CSPG5: variants seen among roughly 807,000 people sequenced by gnomAD.
CSPG5 encodes chondroitin sulfate proteoglycan 5, also known as acidic leucine-rich EGF-like domain-containing brain protein.
In CSPG5, 25 loss-of-function variants were observed where a neutral mutation model predicts 39.8. The ratio of observed to expected loss-of-function variants is 0.63; its 90% CI spans 0.46 to 0.88. The LOEUF (loss-of-function observed/expected upper bound fraction) is 0.88, where lower values mean the gene tolerates loss of function less well. CSPG5 is among the 40% of genes least tolerant of loss of function. The pLI is 0.00. For synonymous variants in CSPG5, 295 were observed against 303.9 expected, an observed-to-expected ratio of 0.97 and a Z score of 0.31; for missense variants, 627 against 702.2, an observed-to-expected ratio of 0.89 and a Z score of 1.21.
chr3:47,563,358 G>T (rs2031166301), intron 4 of CSPG5, among the ~76,000 whole-genome samples: 1 of 152,080 alleles, frequency 6.6e-6, no homozygotes, highest in Admixed American at 6.6e-5. Context: ...AGCTAAAAAG[G>T]TATGTCCTCA....
At chr3:47,569,286 A>T in intron 3 of CSPG5, 59 bp from the exon 4 acceptor site, 1 of 1,537,430 alleles carries the variant, frequency 6.5e-7, no homozygotes, top group Non-Finnish European at 9.0e-7. Flanking sequence ...GCAAAACATG[A>T]CAATGTCTCA....
chr3:47,571,555 T>G (rs2108199783), intron 3 of CSPG5, among the ~76,000 whole-genome samples: 1 of 152,208 alleles, frequency 6.6e-6, no homozygotes. Flanking sequence ...GCAGCCCGCC[T>G]CAGTGCACAG....
rs1373388238 is a variant in CSPG5 at position 47,572,617 on chromosome 3, G to A, written c.1382+69C>T. On this transcript the variant is annotated intron_variant, in intron 3 of 4. Coordinates refer to ENST00000264723, the MANE Select transcript of CSPG5 (RefSeq NM_006574.4). This position sits in a 1 kb window ranked among gnomAD's most constrained non-coding sequence, Gnocchi z 4.5. Reference sequence around the variant, plus strand: ...CGACAAAGTCCCTGGATCAGTTGGAGGGGTGCAGCAGCGTCGGGGGGCCTC... The same window carrying A: ...CGACAAAGTCCCTGGATCAGTTGGAAGGGTGCAGCAGCGTCGGGGGGCCTC... 1.5e-6 allele frequency: 2 copies of A among 1,325,106 alleles called. No homozygotes were observed. Among genetic ancestry groups the A allele is most frequent in the East Asian group, 2.3e-5 (1 of 43,050 alleles). The allele number at this position is 1,325,106 out of a possible 1,614,324, so 82.1% of individuals were successfully genotyped here. A position where few individuals can be genotyped will look rare whatever the true frequency, so the allele number is the denominator to read the frequency against.
chr3:47,567,127 T>C (rs1279848588), intron 4 of CSPG5, among the ~76,000 whole-genome samples: 2 of 152,194 alleles, frequency 1.3e-5, no homozygotes, highest in Non-Finnish European at 2.9e-5. Flanking sequence ...TCTGAAGCTG[T>C]GGTATTAGAA....
At position 47,562,509 on chromosome 3, in the gene CSPG5, G is replaced by A. The variant is rs1214295120; in HGVS notation, c.*91C>T. ...GAAAAAGAAAAGAGTTTAACAAATGGTTACAAGAAATAGACTCTGTACAAG... is the reference window on the plus strand; with the variant it reads ...GAAAAAGAAAAGAGTTTAACAAATGATTACAAGAAATAGACTCTGTACAAG... On this transcript the variant is annotated 3_prime_UTR_variant, in exon 5 of 5. Coordinates refer to ENST00000264723, the MANE Select transcript of CSPG5 (RefSeq NM_006574.4). The A allele has an allele frequency of 2.7e-5, 34 of 1,244,750 alleles. No homozygotes were observed. The highest frequency in any genetic ancestry group is 4.8e-5 in the Admixed American group (2 of 41,566). The allele number at this position is 1,244,750 out of a possible 1,614,324, so 77.1% of individuals were successfully genotyped here.
rs1410027868 is a variant in CSPG5 at position 47,578,242 on chromosome 3, C to A, written c.98-314G>T. On this transcript the variant is annotated intron_variant, in intron 1 of 4. Coordinates refer to ENST00000264723, the MANE Select transcript of CSPG5 (RefSeq NM_006574.4). The surrounding 1 kb of genome is among the most constrained non-coding windows in gnomAD (Gnocchi z 6.0). Reference sequence around the variant, plus strand: ...CACCCATAAGTCTCACCCTCGGGAACCCACCCTGAGCCGCGTCCACTGGCT... The same window carrying A: ...CACCCATAAGTCTCACCCTCGGGAAACCACCCTGAGCCGCGTCCACTGGCT... The A allele has an allele frequency of 2.9e-5, 9 of 312,414 alleles. 1 individual carries two copies. The highest frequency in any genetic ancestry group is 5.2e-5 in the Non-Finnish European group (9 of 173,602). The allele number at this position is 312,414 out of a possible 1,614,324, so 19.4% of individuals were successfully genotyped here. A position where few individuals can be genotyped will look rare whatever the true frequency, so the allele number is the denominator to read the frequency against.
chr3:47,564,454 G>A lies in CSPG5; in HGVS notation c.1459-1693C>T, dbSNP rs2031212226. On this transcript the variant is annotated intron_variant, in intron 4 of 4. Transcript: ENST00000264723. ...TTCTCCAGAGGCCCAGATTAAGGAG[G>A]ACAATTTAGTAGAGTTTCAAAGACT... 2.0e-5 allele frequency among the ~76,000 whole-genome samples: 3 copies of A among 152,172 alleles called. No individual in the cohort carries two copies. In the South Asian group the frequency reaches 6.2e-4, roughly 32 times the overall value.
At chr3:47,579,851 C>T (rs2031924951), upstream of CSPG5, 1 of 152,280 alleles carries the variant, frequency 6.6e-6, no homozygotes, top group South Asian at 2.1e-4. The surrounding 1 kb of genome is among the most constrained non-coding windows in gnomAD (Gnocchi z 4.2). Context: ...TTAGTTTATT[C>T]CCCCAAACCG....
chr3:47,571,381 G>A (rs1439572104), intron 3 of CSPG5, among the ~76,000 whole-genome samples: 3 of 152,226 alleles, frequency 2.0e-5, no homozygotes, highest in Non-Finnish European at 2.9e-5. Flanking sequence ...CCACTGCCCT[G>A]GCTGTTGTTC....
chr3:47,578,118 A>C lies in CSPG5; in HGVS notation c.98-190T>G. 1.0e-5 allele frequency: 9 copies of C among 868,788 alleles called. No homozygotes were observed. The highest frequency in any genetic ancestry group is 1.4e-5 in the Non-Finnish European group (9 of 656,466). 53.8% of individuals were successfully genotyped at this position (868,788 alleles called of 1,614,324 possible). A position where few individuals can be genotyped will look rare whatever the true frequency, so the allele number is the denominator to read the frequency against. ...AAGCCCCGTCCCGGAGTCTGCCCCC[A>C]AGACGAGGATCACACCCCGCCCAAC... On this transcript the variant is annotated intron_variant, in intron 1 of 4. Coordinates refer to ENST00000264723, the MANE Select transcript of CSPG5 (RefSeq NM_006574.4). The surrounding 1 kb of genome is among the most constrained non-coding windows in gnomAD (Gnocchi z 6.0).
rs755509661 is a variant in CSPG5, at chr3:47,572,832, G to T, written c.1236C>A (p.Cys412Ter). 6.2e-7 allele frequency: 1 copy of T among 1,613,878 alleles called. No homozygotes were observed. Among genetic ancestry groups the T allele is most frequent in the African/African-American group, 1.3e-5 (1 of 74,928 alleles). Residue 412 changes from cysteine to a stop codon, truncating the protein, a stop_gained, in exon 3 of 5, where the codon TGC becomes TGA. Coordinates refer to ENST00000264723, the MANE Select transcript of CSPG5 (RefSeq NM_006574.4). LOFTEE classifies it high-confidence loss of function. The surrounding 1 kb of genome is among the most constrained non-coding windows in gnomAD (Gnocchi z 4.5). ...CCTGGAAGTCGGTGATGATGGACTC[G>T]CAGCGCATCCCCTTGTGCCAGATGT... The part of the protein sequence containing the change: ...QDYIWHKGMR[C>*]ESIITDFQVM...
At chr3:47,571,423 T>C (rs1411338108) in intron 3 of CSPG5, among the ~76,000 whole-genome samples, 2 of 152,338 alleles carry the variant, frequency 1.3e-5, no homozygotes, top group Non-Finnish European at 2.9e-5. Flanking sequence ...CAGCAGCTGC[T>C]GTGATTGAAG....
In CSPG5 at chr3:47,576,893, G is replaced by C; in HGVS notation, c.1133C>G (p.Pro378Arg). 1 of 1,599,652 alleles carries C rather than the reference G, an allele frequency of 6.3e-7. No homozygotes were observed. The highest frequency in any genetic ancestry group is 8.5e-7 in the Non-Finnish European group (1 of 1,171,370). Reference sequence around the variant, plus strand: ...CTGGCCGCCATTGTGACAGTAACTTGGGAAGAGGTCGCACACTGACCGGCA... The same window carrying C: ...CTGGCCGCCATTGTGACAGTAACTTCGGAAGAGGTCGCACACTGACCGGCA... ...GSCRSVCDLF[P>R]SYCHNGGQCY... is the part of the protein sequence containing the mutation. The change falls in exon 2 of 5, where the codon CCA (proline) becomes CGA (arginine). Residue 378 changes from proline (P) to arginine (R), a missense_variant. Pro to Arg is a moderately radical substitution (Grantham distance 103). Transcript: ENST00000264723.
chr3:47,566,068 C>T (rs2031287167), intron 4 of CSPG5, among the ~76,000 whole-genome samples: 1 of 152,210 alleles, frequency 6.6e-6, no homozygotes, highest in Non-Finnish European at 1.5e-5. Flanking sequence ...CAGCCACTGA[C>T]CCTTCCCTGT....
intron 2 of CSPG5, among the ~76,000 whole-genome samples, chr3:47,574,710 A>C (rs1576372761): frequency 6.6e-6 from 1 of 151,592 alleles, no homozygotes; most frequent in Middle Eastern, 3.5e-3. Context: ...GAGGCCAAGG[A>C]GGGCAGATCA....
chr3:47,566,685 T>TA (rs2031314534), intron 4 of CSPG5, among the ~76,000 whole-genome samples: 1 of 152,102 alleles, frequency 6.6e-6, no homozygotes, highest in East Asian at 1.9e-4. Context: ...TTGGTTACAA[T>TA]AAAAAAAGGC....
Position 47,577,292 on chromosome 3 carries a change from G to T in CSPG5, c.734C>A (p.Thr245Asn). 1 of 1,613,794 alleles carries T rather than the reference G, an allele frequency of 6.2e-7. No homozygotes were observed. Among genetic ancestry groups the T allele is most frequent in the Non-Finnish European group, 8.5e-7 (1 of 1,179,836 alleles). ...SENHPDTEGE[T>N]PSWSLLDLYD... ...TAAGTCAAGCAGGCTCCAGGAAGGG[G>T]TCTCTCCCTCAGTATCAGGGTGGTT... is the stretch of plus-strand genomic sequence containing the variant. The change falls in exon 2 of 5, where the codon ACC (threonine) becomes AAC (asparagine). Residue 245 changes from threonine (T) to asparagine (N), a missense_variant. Thr to Asn is a moderately conservative substitution (Grantham distance 65). Transcript: ENST00000264723. This position sits in a 1 kb window ranked among gnomAD's most constrained non-coding sequence, Gnocchi z 4.7.
chr3:47,575,046 T>C (rs1268413095), intron 2 of CSPG5, among the ~76,000 whole-genome samples: 1 of 152,142 alleles, frequency 6.6e-6, no homozygotes, highest in Non-Finnish European at 1.5e-5. Flanking sequence ...TTCTCTGATA[T>C]ACTACATCAA....
At position 47,577,262 on chromosome 3, in the gene CSPG5, T is replaced by C. The variant is rs1314419777; in HGVS notation, c.764A>G (p.Asp255Gly). 2.5e-6 allele frequency: 4 copies of C among 1,612,466 alleles called. No homozygotes were observed. In the Admixed American group the frequency reaches 6.7e-5, roughly 27 times the overall value. ...TPSWSLLDLY[D>G]DFTPFDESDF... ...AGATTCATCGAAGGGGGTGAAATCA[T>C]CGTATAAGTCAAGCAGGCTCCAGGA... Residue 255 changes from aspartate to glycine, a missense_variant, in exon 2 of 5, where the codon GAT becomes GGT. Transcript: ENST00000264723. The surrounding 1 kb of genome is among the most constrained non-coding windows in gnomAD (Gnocchi z 4.7).
Sources: allele counts gnomAD v4.1 joint callset (sites outside exome capture counted in the v4.1 genomes callset), GRCh38; gene constraint gnomAD v4.1.1; non-coding constraint Gnocchi (gnomAD v3.1); transcripts MANE v1.5; gene names NCBI Gene and HGNC (gene_info 2026-07-23, HGNC 2026-07-21).